The following TRMT2B variants were observed in gnomAD, a reference collection of about 807,000 sequenced individuals.
TRMT2B encodes tRNA (uracil-5-)-methyltransferase homolog B.
TRMT2B carries 34 observed loss-of-function variants against 39.7 expected under a neutral mutation model. The observed-to-expected ratio is 0.86, with a 90% CI of 0.65 to 1.14. The LOEUF (loss-of-function observed/expected upper bound fraction) is 1.14. Among genes scored for constraint, TRMT2B ranks in the 50% most tolerant of loss-of-function variants. The probability of loss-of-function intolerance (pLI) is 0.00; values close to 1 mark genes in which losing one functional copy is unlikely to be tolerated. For synonymous variants in TRMT2B, 132 were observed against 137.3 expected (o/e 0.96, Z 0.27); for missense variants, 318 against 377.2 (o/e 0.84, Z 1.30).
chrX:101,024,227 C>A (rs779547160), intron 7 of TRMT2B, among the ~76,000 whole-genome samples: 1 of 111,594 alleles, frequency 9.0e-6, no homozygotes, highest in South Asian at 3.8e-4. Flanking sequence ...TGTGTGGACA[C>A]AGCAAGAAGG....
At chrX:101,036,216 C>T (rs2087824372) in intron 6 of TRMT2B, among the ~76,000 whole-genome samples, 1 of 110,787 alleles carries the variant, frequency 9.0e-6, no homozygotes, top group Non-Finnish European at 1.9e-5. Flanking sequence ...GAGGCTAAGG[C>T]GAGTGGATCA....
At chrX:101,039,535 A>G (rs2088086798) in intron 4 of TRMT2B, among the ~76,000 whole-genome samples, 1 of 112,030 alleles carries the variant, frequency 8.9e-6, no homozygotes, top group Admixed American at 9.6e-5. Flanking sequence ...TATCAATAAC[A>G]CCCACAGAAA....
intron 4 of TRMT2B, among the ~76,000 whole-genome samples, chrX:101,040,935 C>T (rs947370038): frequency 2.7e-5 from 3 of 111,721 alleles, no homozygotes; most frequent in Non-Finnish European, 5.6e-5. Flanking sequence ...CAAGGCCCGG[C>T]GCGGTGGCTC....
At chrX:101,032,105 G>C (rs1431866164) in intron 7 of TRMT2B, among the ~76,000 whole-genome samples, 1 of 110,702 alleles carries the variant, frequency 9.0e-6, no homozygotes, top group African/African-American at 3.3e-5. Context: ...TGCCAACCTG[G>C]TGAAACCCCA....
At chrX:100,991,360 G>C in the TRMT2B span, among the ~76,000 whole-genome samples, 1 of 79,594 alleles carries the variant, frequency 1.3e-5, no homozygotes, top group Non-Finnish European at 2.7e-5. Flanking sequence ...CTGGATGCCA[G>C]GCACAGTGCT....
At chrX:101,012,018 T>C (rs2086274692) in intron 13 of TRMT2B, among the ~76,000 whole-genome samples, 1 of 111,983 alleles carries the variant, frequency 8.9e-6, no homozygotes. Flanking sequence ...CCTGAGGCTG[T>C]TTTACAGTTA....
chrX:100,998,744 T>C, the TRMT2B span, among the ~76,000 whole-genome samples: 1 of 111,150 alleles, frequency 9.0e-6, no homozygotes, highest in African/African-American at 3.3e-5. Context: ...TCAAGTAACT[T>C]GTCCTAGATC....
downstream of TRMT2B, among the ~76,000 whole-genome samples, chrX:101,005,660 T>C (rs1211976655): frequency 9.4e-6 from 1 of 105,917 alleles, no homozygotes; most frequent in Non-Finnish European, 1.9e-5. Context: ...GCAGATCACT[T>C]GAGGTCAGTA....
At position 101,042,406 on chromosome X, in the gene TRMT2B, C is replaced by T; in HGVS notation, c.-23-94G>A. The T allele has an allele frequency of 5.2e-6, 5 of 960,252 alleles. No individual in the cohort carries two copies. In the South Asian group the frequency reaches 1.3e-4, roughly 24 times the overall value. 79.1% of individuals were successfully genotyped at this position (960,252 alleles called of 1,213,427 possible). A position where few individuals can be genotyped will look rare whatever the true frequency, so the allele number is the denominator to read the frequency against. On this transcript the variant is annotated intron_variant, in intron 2 of 13. Transcript: ENST00000372936. ...ATAAACCCTTATGGAACTGAAGCGC[C>T]TAGCAGAATGCTGGCACACAGCAGA...
intron 5 of TRMT2B, 120 bp downstream of exon 5, chrX:101,037,794 CAAT>C (rs1005579614): frequency 2.8e-6 from 2 of 706,518 alleles, no homozygotes; most frequent in Non-Finnish European, 4.2e-6. Flanking sequence ...TAAAATGTGA[CAAT>C]GATGCATGAT....
chrX:100,988,093 C>T, the TRMT2B span: 1 of 646,926 alleles, frequency 1.5e-6, no homozygotes, highest in Non-Finnish European at 2.4e-6. Flanking sequence ...ACTTTCATTG[C>T]CCAAAGGCAT....
At chrX:100,987,669 C>A in the TRMT2B span, 1 of 847,865 alleles carries the variant, frequency 1.2e-6, no homozygotes, top group Non-Finnish European at 1.6e-6. Context: ...TTGAGCAAGT[C>A]TCTTGATATC....
chrX:101,051,254 C>G lies in TRMT2B; in HGVS notation c.-27G>C, dbSNP rs747600569. The G allele has an allele frequency of 2.7e-6, 2 of 750,340 alleles. No individual in the cohort carries two copies. The highest frequency in any genetic ancestry group is 3.1e-4 in the East Asian group (2 of 6,521). The allele number at this position is 750,340 out of a possible 1,213,427, so 61.8% of individuals were successfully genotyped here. On this transcript the variant is annotated 5_prime_UTR_variant, in exon 2 of 14. Transcript: ENST00000372936. The stretch of plus-strand genomic sequence containing the variant: ...GAGACTATGTGGTAGGTCTCACCTG[C>G]GCAGGGCCAAGGATCCCTTTTGGAG...
the TRMT2B span, among the ~76,000 whole-genome samples, chrX:100,996,019 C>T: frequency 1.6e-4 from 17 of 108,601 alleles, no homozygotes; most frequent in Admixed American, 3.9e-4. Flanking sequence ...TACAAAGACA[C>T]CTGTCTTTTA....
At chrX:101,035,543 T>C in intron 7 of TRMT2B, 70 bp downstream of exon 7, 1 of 966,666 alleles carries the variant, frequency 1.0e-6, no homozygotes, top group Non-Finnish European at 1.5e-6. Context: ...ATTATCAAAA[T>C]GTCAGGGATG....
chrX:100,973,757 A>G, the TRMT2B span: 2 of 1,208,268 alleles, frequency 1.7e-6, no homozygotes, highest in South Asian at 3.5e-5. Context: ...AGGTAATATT[A>G]CAATTATTTC....
In TRMT2B at chrX:101,019,298, G is replaced by T. The variant is rs746991087; in HGVS notation, c.1274C>A (p.Ala425Asp). ...TTCATCCTTACGCAGTCCGGCACGG[G>T]CTGGGTTCACCACAGCAACAATTGA... is the stretch of plus-strand genomic sequence containing the variant. Reference protein sequence around the residue: ...GQSIVAVVNPARAGLHYKVIQ... With the variant: ...GQSIVAVVNPDRAGLHYKVIQ... The change falls in exon 12 of 14, where the codon GCC becomes GAC. Residue 425 changes from alanine (A) to aspartate (D), a missense_variant. Transcript: ENST00000372936. The T allele has an allele frequency of 5.8e-6, 7 of 1,211,617 alleles. No homozygotes were observed. The highest frequency in any genetic ancestry group is 6.7e-6 in the Non-Finnish European group (6 of 895,442).
At chrX:101,038,666 G>A (rs2088013254) in intron 4 of TRMT2B, among the ~76,000 whole-genome samples, 1 of 112,359 alleles carries the variant, frequency 8.9e-6, no homozygotes, top group Non-Finnish European at 1.9e-5. Context: ...TGTTTGCCCT[G>A]TGTTCTACGT....
chrX:100,988,663 T>C, the TRMT2B span: 7 of 628,877 alleles, frequency 1.1e-5, no homozygotes, highest in Admixed American at 1.9e-4. Flanking sequence ...CCTCACTCTA[T>C]GGTTGGTGAT....
Sources: gnomAD v4.1 joint callset for allele counts (sites outside exome capture counted in the v4.1 genomes callset) on GRCh38, gnomAD v4.1.1 for gene constraint, MANE v1.5 for transcripts, NCBI Gene and HGNC (gene_info 2026-07-23, HGNC 2026-07-21) for gene names.